Variants in SLC44A5 observed in about 807,000 individuals in gnomAD.
The protein encoded by SLC44A5 is solute carrier family 44 member 5.
In SLC44A5, 57 loss-of-function variants were observed where a neutral mutation model predicts 101.8. The observed-to-expected ratio is 0.56, with a 90% CI of 0.45 to 0.70. SLC44A5 has a LOEUF of 0.70. Among genes scored for constraint, SLC44A5 ranks in the 30% least tolerant of loss-of-function variants. The pLI is 0.00. For synonymous variants in SLC44A5, 281 were observed against 290.9 expected, an observed-to-expected ratio of 0.97 and a Z score of 0.35; for missense variants, 737 against 853.1, an observed-to-expected ratio of 0.86 and a Z score of 1.70.
At chr1:75,558,514 C>G (rs1672343562) in intron 1 of SLC44A5, among the ~76,000 whole-genome samples, 1 of 152,058 alleles carries the variant, frequency 6.6e-6, no homozygotes, top group Admixed American at 6.6e-5. Flanking sequence ...TTTGCCATTC[C>G]ACTCAGAGAA....
the SLC44A5 span, among the ~76,000 whole-genome samples, chr1:75,640,615 G>C: frequency 2.6e-5 from 4 of 151,980 alleles, no homozygotes; most frequent in Non-Finnish European, 5.9e-5. Flanking sequence ...GGGAAATTTT[G>C]AATATTAATT....
intron 2 of SLC44A5, among the ~76,000 whole-genome samples, chr1:75,515,162 C>T (rs1464408804): frequency 6.6e-6 from 1 of 151,988 alleles, no homozygotes; most frequent in Non-Finnish European, 1.5e-5. Flanking sequence ...AAATTGACAA[C>T]TTATAATTGT....
intron 2 of SLC44A5, among the ~76,000 whole-genome samples, chr1:75,507,362 A>T (rs1669318989): frequency 6.6e-6 from 1 of 152,016 alleles, no homozygotes; most frequent in South Asian, 2.1e-4. Context: ...ATTGATTTGC[A>T]TATGTTGAAC....
At chr1:75,537,033 A>AAAAAAAAAAAAAAATATATATAT (rs35829590) in intron 2 of SLC44A5, among the ~76,000 whole-genome samples, 14 of 43,038 alleles carry the variant, frequency 3.3e-4, no homozygotes, top group Middle Eastern at 0.019. Context: ...AAAAAAAAAA[A>AAAAAAAAAAAAAAATATATATAT]ATATATATCT....
chr1:75,711,482 T>C, the SLC44A5 span, among the ~76,000 whole-genome samples: 2 of 152,238 alleles, frequency 1.3e-5, no homozygotes, highest in Non-Finnish European at 2.9e-5. Context: ...CTGAGGACTG[T>C]AGACCATAGA....
intron 2 of SLC44A5, among the ~76,000 whole-genome samples, chr1:75,461,685 T>C (rs1666506856): frequency 6.6e-6 from 1 of 152,020 alleles, no homozygotes; most frequent in South Asian, 2.1e-4. Context: ...GCCAGAGGAG[T>C]GCCTACTACC....
chr1:75,491,944 T>G (rs974321562), intron 2 of SLC44A5, among the ~76,000 whole-genome samples: 1 of 152,222 alleles, frequency 6.6e-6, no homozygotes, highest in African/African-American at 2.4e-5. Flanking sequence ...TTATTCTACC[T>G]TTTGTTCTAC....
rs114961819 is a variant in SLC44A5, at chr1:75,245,490, A to G, written c.346-2479T>C. Among the ~76,000 whole-genome samples the G allele has an allele frequency of 5.5e-3, 836 of 152,192 alleles. 9 individuals are homozygous for G. Among genetic ancestry groups the G allele is most frequent in the African/African-American group, 0.019 (808 of 41,542 alleles). ...ACAGACATTTAGACTTCAACAATTG[A>G]CTCATGTAACTTTGAAAGACAACTG... is the stretch of plus-strand genomic sequence containing the variant. On this transcript the variant is annotated intron_variant, in intron 7 of 23. Coordinates refer to ENST00000370859, the MANE Select transcript of SLC44A5 (RefSeq NM_001130058.2).
intron 4 of SLC44A5, among the ~76,000 whole-genome samples, chr1:75,313,289 C>T (rs1655447946): frequency 6.6e-6 from 1 of 152,152 alleles, no homozygotes; most frequent in African/African-American, 2.4e-5. Context: ...CGGTTTTTAA[C>T]ACAGAGGGAA....
At chr1:75,244,070 G>T (rs565344849) in intron 7 of SLC44A5, among the ~76,000 whole-genome samples, 1 of 152,048 alleles carries the variant, frequency 6.6e-6, no homozygotes, top group African/African-American at 2.4e-5. Context: ...CTCAACAGAA[G>T]CAATGCTGGC....
At position 75,274,862 on chromosome 1, in the gene SLC44A5, ATCT is replaced by A. The variant is rs1196829313; in HGVS notation, c.260+93_260+95del. Reference sequence around the variant, plus strand: ...GGGAAGGCTTCCTTTATGAATTTAAATCTTCTTAAGAAGTCTGGTAGGATTACT... The same window carrying A: ...GGGAAGGCTTCCTTTATGAATTTAAATCTTAAGAAGTCTGGTAGGATTACT... On this transcript the variant is annotated intron_variant, in intron 6 of 23. Coordinates refer to ENST00000370859, the MANE Select transcript of SLC44A5 (RefSeq NM_001130058.2). The A allele has an allele frequency of 6.1e-6, 6 of 985,550 alleles. No individual in the cohort carries two copies. In the African/African-American group the frequency reaches 6.6e-5, roughly 11 times the overall value. 61.1% of individuals were successfully genotyped at this position (985,550 alleles called of 1,614,324 possible). A position where few individuals can be genotyped will look rare whatever the true frequency, so the allele number is the denominator to read the frequency against.
intron 3 of SLC44A5, among the ~76,000 whole-genome samples, chr1:75,370,482 C>T (rs1660153549): frequency 6.6e-6 from 1 of 152,122 alleles, no homozygotes; most frequent in Non-Finnish European, 1.5e-5. Flanking sequence ...ATACAAATAC[C>T]TGGAGGTGAC....
At chr1:75,583,360 A>G (rs2102076160) in intron 1 of SLC44A5, among the ~76,000 whole-genome samples, 1 of 152,072 alleles carries the variant, frequency 6.6e-6, no homozygotes, top group East Asian at 1.9e-4. Flanking sequence ...TTCTTGGGAG[A>G]CTCTCAACAA....
intron 1 of SLC44A5, among the ~76,000 whole-genome samples, chr1:75,597,054 G>A (rs1054527369): frequency 6.6e-6 from 1 of 152,048 alleles, no homozygotes; most frequent in Admixed American, 6.6e-5. Flanking sequence ...TGGACATGGT[G>A]GCGCTTGCCT....
intron 2 of SLC44A5, among the ~76,000 whole-genome samples, chr1:75,498,198 C>G (rs747215095): frequency 1.1e-4 from 16 of 152,126 alleles, no homozygotes; most frequent in Non-Finnish European, 1.9e-4. Flanking sequence ...TTCATTCACT[C>G]ATTCATTCAA....
At chr1:75,660,868 G>T in the SLC44A5 span, among the ~76,000 whole-genome samples, 1 of 152,086 alleles carries the variant, frequency 6.6e-6, no homozygotes, top group African/African-American at 2.4e-5. Flanking sequence ...AATTATTATG[G>T]TTAAAATGAC....
intron 4 of SLC44A5, among the ~76,000 whole-genome samples, chr1:75,310,502 G>A (rs112347924): frequency 3.9e-4 from 59 of 152,266 alleles, no homozygotes; most frequent in African/African-American, 1.4e-3. Context: ...TACCTGGAAG[G>A]TGCTTTAAAA....
chr1:75,530,266 ACTC>A (rs1382476079), intron 2 of SLC44A5, among the ~76,000 whole-genome samples: 1 of 152,168 alleles, frequency 6.6e-6, no homozygotes, highest in Non-Finnish European at 1.5e-5. Flanking sequence ...AAGTATTTTC[ACTC>A]CTCTTAATAT....
At chr1:75,272,472 A>G (rs1367890029) in intron 6 of SLC44A5, among the ~76,000 whole-genome samples, 1 of 151,872 alleles carries the variant, frequency 6.6e-6, no homozygotes, top group Non-Finnish European at 1.5e-5. Context: ...GCCTAAATCA[A>G]TGTCCAGAAG....
Sources: allele counts gnomAD v4.1 joint callset (sites outside exome capture counted in the v4.1 genomes callset), GRCh38; gene constraint gnomAD v4.1.1; transcripts MANE v1.5; gene names NCBI Gene and HGNC (gene_info 2026-07-23, HGNC 2026-07-21).